Variants in ARAP2 observed in about 807,000 individuals in gnomAD.
The protein encoded by ARAP2 is ArfGAP with RhoGAP domain, ankyrin repeat and PH domain 2.
ARAP2 carries 148 observed loss-of-function variants against 194.5 expected under a neutral mutation model. That is an observed-to-expected ratio of 0.76 (90% CI 0.67 to 0.87). The LOEUF (loss-of-function observed/expected upper bound fraction) is 0.87. ARAP2 is among the 40% of genes least tolerant of loss of function. The pLI is 0.00. For synonymous variants in ARAP2, 695 were observed against 683.5 expected (o/e 1.02, Z -0.26); for missense variants, 2,128 against 1,989.7 (o/e 1.07, Z -1.32).
intron 28 of ARAP2, among the ~76,000 whole-genome samples, chr4:36,084,482 G>A (rs994000517): frequency 7.9e-5 from 12 of 151,744 alleles, no homozygotes; most frequent in South Asian, 4.2e-4. Flanking sequence ...TTTGGATTTC[G>A]GAATTATGGA....
intron 3 of ARAP2, among the ~76,000 whole-genome samples, chr4:36,051,399 C>A (rs1363630547): frequency 6.6e-6 from 1 of 152,108 alleles, no homozygotes; most frequent in South Asian, 2.1e-4. Flanking sequence ...ATCGCTTGAA[C>A]CCGGGAGGCA....
At chr4:36,132,313 TCTCA>T (rs942275389) in intron 20 of ARAP2, among the ~76,000 whole-genome samples, 1 of 151,734 alleles carries the variant, frequency 6.6e-6, no homozygotes, top group Non-Finnish European at 1.5e-5. Flanking sequence ...ACTGCAGCCC[TCTCA>T]CTATTTGTAC....
intron 2 of ARAP2, among the ~76,000 whole-genome samples, chr4:36,222,431 T>G (rs1749376965): frequency 6.6e-6 from 1 of 152,042 alleles, no homozygotes; most frequent in Non-Finnish European, 1.5e-5. Flanking sequence ...GATAATAAAT[T>G]GTTTTTAAAA....
chr4:36,119,891 T>TA (rs1722283017), intron 23 of ARAP2, among the ~76,000 whole-genome samples, 173 bp from the exon 24 acceptor site: 1 of 151,436 alleles, frequency 6.6e-6, no homozygotes, highest in Admixed American at 6.6e-5. Flanking sequence ...GCCAACAAGA[T>TA]AGAGTATCCT....
chr4:36,204,430 T>TA, intron 6 of ARAP2, among the ~76,000 whole-genome samples: 1 of 152,298 alleles, frequency 6.6e-6, no homozygotes, highest in Non-Finnish European at 1.5e-5. Flanking sequence ...TATCCTCCTT[T>TA]TCTCAGGAAG....
intron 15 of ARAP2, among the ~76,000 whole-genome samples, chr4:36,155,137 A>G (rs1453611494): frequency 1.3e-5 from 2 of 152,234 alleles, no homozygotes; most frequent in Non-Finnish European, 2.9e-5. Context: ...ATGATTCTTC[A>G]TTCATTCCAC....
intron 27 of ARAP2, among the ~76,000 whole-genome samples, chr4:36,105,192 C>A (rs1397658172): frequency 6.6e-6 from 1 of 151,862 alleles, no homozygotes; most frequent in Non-Finnish European, 1.5e-5. Flanking sequence ...TTGTGATGAG[C>A]ACCTATAATA....
At chr4:36,197,168 G>C (rs1407738705) in intron 6 of ARAP2, among the ~76,000 whole-genome samples, 2 of 151,840 alleles carry the variant, frequency 1.3e-5, no homozygotes, top group Admixed American at 1.3e-4. Context: ...GGGTAAATGT[G>C]ATATTTTGAT....
chr4:36,059,614 T>C (rs1329696208), intron 1 of ARAP2, among the ~76,000 whole-genome samples: 2 of 152,200 alleles, frequency 1.3e-5, no homozygotes, highest in Non-Finnish European at 2.9e-5. Context: ...ATATGGGTAG[T>C]GCAGAAGATA....
chr4:36,083,892 G>A (rs1372331473), intron 28 of ARAP2, among the ~76,000 whole-genome samples: 1 of 152,132 alleles, frequency 6.6e-6, no homozygotes, highest in Non-Finnish European at 1.5e-5. Context: ...CTAATCAGCT[G>A]CTAGTGTGGC....
downstream of ARAP2, chr4:36,065,279 CCAT>C (rs1278353198): frequency 1.6e-5 from 7 of 450,556 alleles, no homozygotes; most frequent in Non-Finnish European, 2.3e-5. Context: ...AGGGCCAACA[CCAT>C]GTCACCCTTG....
At chr4:36,146,600 C>T (rs1729673261) in intron 19 of ARAP2, among the ~76,000 whole-genome samples, 1 of 152,056 alleles carries the variant, frequency 6.6e-6, no homozygotes, top group African/African-American at 2.4e-5. Flanking sequence ...TGGATTACTG[C>T]AAAGTTTACT....
chr4:36,057,688 TTTGA>T (rs1029231632), intron 2 of ARAP2, among the ~76,000 whole-genome samples: 6 of 152,134 alleles, frequency 3.9e-5, no homozygotes, highest in African/African-American at 1.4e-4. Flanking sequence ...AAAATTTTTA[TTTGA>T]TTTTTTAAAA....
At chr4:36,008,007 T>C (rs1713662532) in intron 9 of ARAP2, among the ~76,000 whole-genome samples, 1 of 151,786 alleles carries the variant, frequency 6.6e-6, no homozygotes, top group Admixed American at 6.6e-5. Context: ...GATCTCTACA[T>C]GCAGAATTAC....
chr4:36,041,112 C>T (rs1286151165), intron 5 of ARAP2, among the ~76,000 whole-genome samples: 1 of 151,864 alleles, frequency 6.6e-6, no homozygotes, highest in African/African-American at 2.4e-5. Context: ...GTCGATAGTT[C>T]TCTTTATGTA....
At chr4:36,143,750 A>G (rs1406072006) in intron 19 of ARAP2, among the ~76,000 whole-genome samples, 2 of 151,822 alleles carry the variant, frequency 1.3e-5, no homozygotes, top group Non-Finnish European at 2.9e-5. Context: ...TAACTTGGTT[A>G]TATTTATCCT....
chr4:36,077,824 T>A (rs1577769182), intron 31 of ARAP2, among the ~76,000 whole-genome samples: 1 of 152,190 alleles, frequency 6.6e-6, no homozygotes, highest in African/African-American at 2.4e-5. Flanking sequence ...ACCTTCATGA[T>A]GTTTATAGAA....
intron 26 of ARAP2, among the ~76,000 whole-genome samples, chr4:36,112,307 A>G (rs1217030803): frequency 1.3e-5 from 2 of 151,998 alleles, no homozygotes; most frequent in African/African-American, 2.4e-5. Flanking sequence ...ACACATTGCT[A>G]TTCTATAAGT....
chr4:36,127,482 CTG>C (rs1256095314), intron 21 of ARAP2, among the ~76,000 whole-genome samples: 1 of 151,938 alleles, frequency 6.6e-6, no homozygotes, highest in Non-Finnish European at 1.5e-5. Context: ...AATTTTCAAA[CTG>C]TGCATGTTTT....
Sources: allele counts gnomAD v4.1 joint callset (sites outside exome capture counted in the v4.1 genomes callset), GRCh38; gene constraint gnomAD v4.1.1; transcripts MANE v1.5; gene names NCBI Gene and HGNC (gene_info 2026-07-23, HGNC 2026-07-21).